The following DIAPH2 variants were observed in gnomAD, a reference collection of about 807,000 sequenced individuals.
DIAPH2 encodes the protein protein diaphanous homolog 2.
DIAPH2 carries 35 observed loss-of-function variants against 92.7 expected under a neutral mutation model. The ratio of observed to expected loss-of-function variants is 0.38; its 90% CI spans 0.29 to 0.50. The LOEUF is 0.50. Among genes scored for constraint, DIAPH2 ranks in the 20% least tolerant of loss-of-function variants. The pLI is 0.94. For synonymous variants in DIAPH2, 301 were observed against 280.4 expected (o/e 1.07, Z -0.73); for missense variants, 701 against 819.5 (o/e 0.86, Z 1.77).
rs903987562 is a variant in DIAPH2, at chrX:97,011,658, C to T, written c.2050+46451C>T. Among the ~76,000 whole-genome samples, 7 of 110,206 alleles carry T rather than the reference C, an allele frequency of 6.4e-5. No homozygotes were observed. The East Asian group carries it at 1.4e-3, about 23-fold the overall frequency. ...ATCCCAACACTTTGAGATTCCAAGG[C>T]GGGTGGATCACTTGAGGTCAGGAGT... On this transcript the variant is annotated intron_variant, in intron 17 of 26. Transcript: ENST00000324765.
intron 3 of DIAPH2, 65 bp downstream of exon 3, chrX:96,738,827 T>A: frequency 1.1e-6 from 1 of 921,790 alleles, no homozygotes; most frequent in Non-Finnish European, 1.5e-6. Context: ...CACTGAGTTT[T>A]AAGGAGGTGT....
chrX:97,541,262 C>T (rs994219733), intron 26 of DIAPH2, among the ~76,000 whole-genome samples: 1 of 111,839 alleles, frequency 8.9e-6, no homozygotes, highest in African/African-American at 3.2e-5. Flanking sequence ...TCCCAATCCA[C>T]TTAGATACTT....
chrX:97,209,815 G>A (rs1204130759), intron 22 of DIAPH2, among the ~76,000 whole-genome samples: 2 of 110,648 alleles, frequency 1.8e-5, no homozygotes, highest in African/African-American at 6.5e-5. Context: ...TATACTAACT[G>A]CATTTTATTG....
At chrX:97,293,535 G>C (rs1472815338) in intron 23 of DIAPH2, among the ~76,000 whole-genome samples, 1 of 111,535 alleles carries the variant, frequency 9.0e-6, no homozygotes, top group Non-Finnish European at 1.9e-5. Context: ...ACAGGCGTGA[G>C]CCACTGCCCC....
chrX:96,758,125 A>G (rs770415416), intron 3 of DIAPH2, 29 bp from the exon 4 acceptor site: 8 of 1,118,779 alleles, frequency 7.2e-6, no homozygotes, highest in African/African-American at 1.8e-5. Flanking sequence ...AAATTTATCA[A>G]TGCCCACAGT....
At chrX:96,915,801 T>A (rs774350039) in intron 7 of DIAPH2, among the ~76,000 whole-genome samples, 5 of 111,824 alleles carry the variant, frequency 4.5e-5, no homozygotes, top group Non-Finnish European at 7.6e-5. Context: ...ACACACATAT[T>A]CATGCTTAGA....
chrX:96,749,146 AT>A (rs369307159), intron 3 of DIAPH2, among the ~76,000 whole-genome samples: 21,195 of 67,258 alleles, frequency 0.32, 3,629 homozygotes, highest in African/African-American at 0.5. Flanking sequence ...AAAAAAAAAA[AT>A]ATATATATAT....
At position 97,010,415 on chromosome X, in the gene DIAPH2, T is replaced by C. The variant is rs1253849347; in HGVS notation, c.2050+45208T>C. ...TACCTTCTTCACTGCTTCTTTTCAG[T>C]GGTATGAATTTAAAACCAGGTACTA... On this transcript the variant is annotated intron_variant, in intron 17 of 26. Coordinates refer to ENST00000324765, the MANE Select transcript of DIAPH2 (RefSeq NM_006729.5). Among the ~76,000 whole-genome samples the C allele has an allele frequency of 2.7e-5, 3 of 111,436 alleles. No homozygotes were observed. In the Admixed American group the frequency reaches 2.9e-4, roughly 11 times the overall value.
At chrX:97,181,372 G>A (rs952617601) in intron 22 of DIAPH2, among the ~76,000 whole-genome samples, 1 of 110,266 alleles carries the variant, frequency 9.1e-6, no homozygotes, top group Non-Finnish European at 1.9e-5. Flanking sequence ...TGCTAAATAT[G>A]TATCTAAGGT....
chrX:97,182,811 G>C (rs139074048), intron 22 of DIAPH2, among the ~76,000 whole-genome samples: 294 of 111,395 alleles, frequency 2.6e-3, no homozygotes, highest in African/African-American at 9.1e-3. Flanking sequence ...AGTATACATT[G>C]AGTATATAGC....
chrX:97,330,163 A>G (rs2068988254), intron 23 of DIAPH2, among the ~76,000 whole-genome samples: 1 of 106,763 alleles, frequency 9.4e-6, no homozygotes, highest in Admixed American at 1.0e-4. Context: ...AAGTTTGCCT[A>G]TTTCTTCCTT....
chrX:96,921,598 A>G (rs1299957350), intron 9 of DIAPH2, among the ~76,000 whole-genome samples: 3 of 111,072 alleles, frequency 2.7e-5, no homozygotes, highest in African/African-American at 9.8e-5. Context: ...CCTCTTTCCA[A>G]TCTTGATCAC....
At chrX:96,737,811 C>T (rs774950995) in intron 2 of DIAPH2, among the ~76,000 whole-genome samples, 3 of 111,233 alleles carry the variant, frequency 2.7e-5, no homozygotes, top group African/African-American at 6.5e-5. Flanking sequence ...ATGGAAAAGC[C>T]GATGTTTTTA....
intron 4 of DIAPH2, among the ~76,000 whole-genome samples, chrX:96,840,546 CT>C (rs1483958238): frequency 9.0e-6 from 1 of 111,318 alleles, no homozygotes. Flanking sequence ...AAGCTTGGCC[CT>C]CTTACATTTC....
Position 97,051,042 on chromosome X carries a change from T to C in DIAPH2, c.2051-21899T>C, listed in dbSNP as rs771607381. ...TTAGAACACTATAAATGTAAGTAAG[T>C]TTTTATTCTCATTGTTATTATTGAT... On this transcript the variant is annotated intron_variant, in intron 17 of 26. Transcript: ENST00000324765. 2.7e-5 allele frequency among the ~76,000 whole-genome samples: 3 copies of C among 111,881 alleles called. No individual in the cohort carries two copies. The South Asian group carries it at 1.1e-3, about 41-fold the overall frequency.
At chrX:97,445,907 TG>T (rs776937345) in intron 26 of DIAPH2, among the ~76,000 whole-genome samples, 1 of 107,534 alleles carries the variant, frequency 9.3e-6, no homozygotes, top group Non-Finnish European at 1.9e-5. Flanking sequence ...GTCTGGTTTA[TG>T]GGGGGGAAAA....
intron 26 of DIAPH2, among the ~76,000 whole-genome samples, chrX:97,476,832 T>A (rs1300395741): frequency 2.0e-5 from 2 of 101,981 alleles, no homozygotes; most frequent in Non-Finnish European, 3.9e-5. Context: ...TAATCCCAGC[T>A]ACTCAGGAGG....
chrX:97,441,001 C>G (rs747400758), intron 26 of DIAPH2, among the ~76,000 whole-genome samples: 2 of 111,580 alleles, frequency 1.8e-5, no homozygotes, highest in Non-Finnish European at 3.8e-5. Context: ...AAACATGTAC[C>G]TGAGAGGATG....
intron 1 of DIAPH2, among the ~76,000 whole-genome samples, chrX:96,704,164 C>T (rs1377429415): frequency 9.0e-6 from 1 of 111,722 alleles, no homozygotes; most frequent in Admixed American, 9.5e-5. Context: ...GGAAAATGTT[C>T]AGGTTCCTTG....
Sources: allele counts gnomAD v4.1 joint callset (sites outside exome capture counted in the v4.1 genomes callset), GRCh38; gene constraint gnomAD v4.1.1; transcripts MANE v1.5; gene names NCBI Gene and HGNC (gene_info 2026-07-23, HGNC 2026-07-21).